Variants in SEPTIN9 observed in about 807,000 individuals in gnomAD.
SEPTIN9 encodes septin 9.
SEPTIN9 carries 13 observed loss-of-function variants against 56.6 expected under a neutral mutation model. That is an observed-to-expected ratio of 0.23 (90% CI 0.15 to 0.37). The LOEUF (loss-of-function observed/expected upper bound fraction) is 0.37. Ranked by LOEUF, SEPTIN9 falls within the 10% of genes least tolerant of loss-of-function variation. SEPTIN9 has a pLI of 1.00. For synonymous variants in SEPTIN9, 332 were observed against 334.1 expected (o/e 0.99, Z 0.07); for missense variants, 650 against 823.1 (o/e 0.79, Z 2.57).
chr17:77,479,138 A>T (rs536037181), intron 3 of SEPTIN9, among the ~76,000 whole-genome samples: 7 of 152,374 alleles, frequency 4.6e-5, no homozygotes, highest in African/African-American at 1.7e-4. Flanking sequence ...TGCACACTTC[A>T]AAATAGTGAC....
rs2033024559 is a variant in SEPTIN9 at position 77,323,681 on chromosome 17, C to T, written c.76+16484C>T. On this transcript the variant is annotated intron_variant, in intron 2 of 11. Coordinates refer to ENST00000427177, the MANE Select transcript of SEPTIN9 (RefSeq NM_001113491.2). The surrounding 1 kb of genome is among the most constrained non-coding windows in gnomAD (Gnocchi z 6.8). ...GCCTCCTGGAGGGCGGTGCCTCAGC[C>T]CTCACCCCTCCCTCCTGTCCCTCGC... 1 of 152,696 alleles carries T rather than the reference C, an allele frequency of 6.5e-6. No individual in the cohort carries two copies. Among genetic ancestry groups the T allele is most frequent in the African/African-American group, 2.4e-5 (1 of 41,456 alleles). The allele number at this position is 152,696 out of a possible 1,614,324, so 9.5% of individuals were successfully genotyped here. A position where few individuals can be genotyped will look rare whatever the true frequency, so the allele number is the denominator to read the frequency against.
rs371551891 is a variant in SEPTIN9, at chr17:77,456,044, G to A, written c.722-26100G>A. Among the ~76,000 whole-genome samples, 2 of 152,340 alleles carry A rather than the reference G, an allele frequency of 1.3e-5. No homozygotes were observed. Among genetic ancestry groups the A allele is most frequent in the African/African-American group, 4.8e-5 (2 of 41,578 alleles). ...GCCACGTGACTAGGAGGGTCTTGGGGCAGGATGGTGTCTTTTGTGCCTTGT... is the reference window on the plus strand; with the variant it reads ...GCCACGTGACTAGGAGGGTCTTGGGACAGGATGGTGTCTTTTGTGCCTTGT... On this transcript the variant is annotated intron_variant, in intron 3 of 11. Coordinates refer to ENST00000427177, the MANE Select transcript of SEPTIN9 (RefSeq NM_001113491.2). This position sits in a 1 kb window ranked among gnomAD's most constrained non-coding sequence, Gnocchi z 6.0.
In SEPTIN9 at chr17:77,288,321, C is replaced by T. The variant is rs1016289311; in HGVS notation, c.19+6767C>T. The T allele has an allele frequency of 4.6e-6, 3 of 652,276 alleles. No individual in the cohort carries two copies. The East Asian group carries it at 2.2e-4, about 48-fold the overall frequency. 40.4% of individuals were successfully genotyped at this position (652,276 alleles called of 1,614,324 possible). ...TTTTCCCAGCGCTGCACCTGGGAAC[C>T]AGGGGTTGGGCCCCGGAAGCCGAGG... On this transcript the variant is annotated intron_variant, in intron 1 of 11. Coordinates refer to ENST00000427177, the MANE Select transcript of SEPTIN9 (RefSeq NM_001113491.2).
chr17:77,311,620 G>T (rs2032496746), intron 2 of SEPTIN9, among the ~76,000 whole-genome samples: 1 of 152,188 alleles, frequency 6.6e-6, no homozygotes, highest in African/African-American at 2.4e-5. Flanking sequence ...CTGACAATTG[G>T]CTGTCACTTA....
intron 1 of SEPTIN9, among the ~76,000 whole-genome samples, chr17:77,304,260 C>T (rs1291043000): frequency 6.6e-6 from 1 of 152,180 alleles, no homozygotes; most frequent in Non-Finnish European, 1.5e-5. Flanking sequence ...CTGCGCTCGC[C>T]CCCTTCTTAT....
rs2038046575 is a variant in SEPTIN9, at chr17:77,453,046, G to A, written c.722-29098G>A. 6.6e-6 allele frequency among the ~76,000 whole-genome samples: 1 copy of A among 151,648 alleles called. No homozygotes were observed. The highest frequency in any genetic ancestry group is 2.1e-4 in the South Asian group (1 of 4,782). ...CCCCTTCTGTCCCCTGGCCATTTCT[G>A]TGTCGGGGTGGCTGAGACACTATTG... On this transcript the variant is annotated intron_variant, in intron 3 of 11. Transcript: ENST00000427177. The surrounding 1 kb of genome is among the most constrained non-coding windows in gnomAD (Gnocchi z 4.4).
intron 1 of SEPTIN9, among the ~76,000 whole-genome samples, chr17:77,300,242 C>G (rs1010834025): frequency 6.6e-6 from 1 of 152,116 alleles, no homozygotes; most frequent in African/African-American, 2.4e-5. Flanking sequence ...AGATTACAGG[C>G]GTGCACCACC....
intron 1 of SEPTIN9, among the ~76,000 whole-genome samples, chr17:77,283,328 A>G (rs775246052): frequency 1.6e-4 from 25 of 151,958 alleles, no homozygotes; most frequent in Non-Finnish European, 3.1e-4. Flanking sequence ...GGCTCAGACC[A>G]TTTCTGGTTT....
rs967409728 is a variant in SEPTIN9, at chr17:77,499,810, C to T, written c.*1152C>T. The T allele has an allele frequency of 8.9e-6, 3 of 335,770 alleles. No individual in the cohort carries two copies. Among genetic ancestry groups the T allele is most frequent in the Non-Finnish European group, 1.7e-5 (3 of 179,364 alleles). 20.8% of individuals were successfully genotyped at this position (335,770 alleles called of 1,614,324 possible). A position where few individuals can be genotyped will look rare whatever the true frequency, so the allele number is the denominator to read the frequency against. On this transcript the variant is annotated 3_prime_UTR_variant, in exon 12 of 12. Transcript: ENST00000427177. ...TGAGCTGGGGAGGTGGGAGGCCAGG[C>T]GAGCCTGACTCTGTTGATCTACCCG...
chr17:77,474,734 C>T (rs963733989), intron 3 of SEPTIN9, among the ~76,000 whole-genome samples: 4 of 152,238 alleles, frequency 2.6e-5, no homozygotes, highest in African/African-American at 4.8e-5. Flanking sequence ...CTACCGCTTA[C>T]TCGCTTTGCG....
intron 11 of SEPTIN9, 156 bp downstream of exon 11, chr17:77,497,522 C>T: frequency 1.4e-6 from 1 of 694,812 alleles, no homozygotes. Context: ...GGAAGCCCAT[C>T]TTCTGAAAAA....
Position 77,440,408 on chromosome 17 carries a change from G to A in SEPTIN9, c.721+37705G>A, listed in dbSNP as rs181495887. Among the ~76,000 whole-genome samples the A allele has an allele frequency of 2.0e-3, 297 of 152,280 alleles. 2 individuals are homozygous for A. Among genetic ancestry groups the A allele is most frequent in the African/African-American group, 6.7e-3 (277 of 41,574 alleles). On this transcript the variant is annotated intron_variant, in intron 3 of 11. Coordinates refer to ENST00000427177, the MANE Select transcript of SEPTIN9 (RefSeq NM_001113491.2). ...GACTTCAGGTGATCCGCCTGCCTTCGCCTCCCAAAGTGTTGGGATTACAGG... is the reference window on the plus strand; with the variant it reads ...GACTTCAGGTGATCCGCCTGCCTTCACCTCCCAAAGTGTTGGGATTACAGG...
intron 3 of SEPTIN9, among the ~76,000 whole-genome samples, chr17:77,427,417 C>T (rs1315159956): frequency 6.6e-6 from 1 of 152,118 alleles, no homozygotes; most frequent in Non-Finnish European, 1.5e-5. Flanking sequence ...GTTCCAGAAG[C>T]AACACAAGAA....
At chr17:77,426,589 C>T (rs1157866728) in intron 3 of SEPTIN9, among the ~76,000 whole-genome samples, 1 of 152,140 alleles carries the variant, frequency 6.6e-6, no homozygotes, top group South Asian at 2.1e-4. Flanking sequence ...CTCATCCTCA[C>T]GGAAGAATAT....
At position 77,339,805 on chromosome 17, in the gene SEPTIN9, G is replaced by A. The variant is rs548390193; in HGVS notation, c.76+32608G>A. ...GACTACAGGCATGAGCCACTGCACC[G>A]GGCCCTATTTGTTTTTTTTTTGTTG... On this transcript the variant is annotated intron_variant, in intron 2 of 11. Coordinates refer to ENST00000427177, the MANE Select transcript of SEPTIN9 (RefSeq NM_001113491.2). Among the ~76,000 whole-genome samples the A allele has an allele frequency of 1.6e-3, 185 of 116,242 alleles. 1 individual carries two copies. Among genetic ancestry groups the A allele is most frequent in the African/African-American group, 5.1e-3 (167 of 32,484 alleles). The allele number at this position is 116,242 out of a possible 152,430, so 76.3% of individuals were successfully genotyped here.
At chr17:77,362,461 C>T (rs2143857408) in intron 2 of SEPTIN9, among the ~76,000 whole-genome samples, 1 of 152,350 alleles carries the variant, frequency 6.6e-6, no homozygotes, top group South Asian at 2.1e-4. Context: ...CGGTCTCTTC[C>T]TTCCTCCTCT....
At chr17:77,408,717 C>T (rs149502714) in intron 3 of SEPTIN9, among the ~76,000 whole-genome samples, 39 of 152,252 alleles carry the variant, frequency 2.6e-4, no homozygotes, top group Non-Finnish European at 5.0e-4. Context: ...GGGACACCTA[C>T]TGGGCCCCAG....
chr17:77,428,762 C>T (rs1160573499), intron 3 of SEPTIN9, among the ~76,000 whole-genome samples: 1 of 152,174 alleles, frequency 6.6e-6, no homozygotes, highest in Non-Finnish European at 1.5e-5. Context: ...GGAGGGCACA[C>T]TTCCCAGCTG....
At chr17:77,489,826 C>A (rs1382823106) in intron 7 of SEPTIN9, among the ~76,000 whole-genome samples, 1 of 152,132 alleles carries the variant, frequency 6.6e-6, no homozygotes, top group Non-Finnish European at 1.5e-5. Context: ...AGCCCGCTGT[C>A]CATGGGCCTC....
Sources: allele counts gnomAD v4.1 joint callset (sites outside exome capture counted in the v4.1 genomes callset), GRCh38; gene constraint gnomAD v4.1.1; non-coding constraint Gnocchi (gnomAD v3.1); transcripts MANE v1.5; gene names NCBI Gene and HGNC (gene_info 2026-07-23, HGNC 2026-07-21).